The following TRIM14 variants were observed in gnomAD, a reference collection of about 807,000 sequenced individuals.
TRIM14 encodes tripartite motif-containing protein 14.
A neutral mutation model predicts 44.5 loss-of-function variants in TRIM14; 28 were observed. That is an observed-to-expected ratio of 0.63 (90% CI 0.47 to 0.86). TRIM14 has a LOEUF of 0.86. TRIM14 is among the 40% of genes least tolerant of loss of function. The pLI, the probability that TRIM14 is intolerant of heterozygous loss-of-function variation, is 0.00. For missense variants in TRIM14, 607 were observed against 611.1 expected, an observed-to-expected ratio of 0.99 and a Z score of 0.07; for synonymous variants, 299 against 269.2, an observed-to-expected ratio of 1.11 and a Z score of -1.08.
At chr9:98,056,773 G>T in the TRIM14 span, 2 of 1,605,118 alleles carry the variant, frequency 1.2e-6, no homozygotes, top group Non-Finnish European at 8.5e-7. Context: ...GCCGGACCCA[G>T]ACTGGTAGTG....
chr9:98,040,696 C>A, the TRIM14 span, among the ~76,000 whole-genome samples: 2 of 150,770 alleles, frequency 1.3e-5, no homozygotes, highest in African/African-American at 2.4e-5. Flanking sequence ...CTCGCTGTGT[C>A]ACCCAGGCTG....
chr9:98,112,663 G>T lies in TRIM14; in HGVS notation c.208-2679C>A, dbSNP rs148457441. Among the ~76,000 whole-genome samples the T allele has an allele frequency of 3.1e-3, 468 of 151,820 alleles. 3 individuals are homozygous for T. Among genetic ancestry groups the T allele is most frequent in the African/African-American group, 0.01 (422 of 41,400 alleles). ...AAAATACAAAAATTAGCCAGGTGTG[G>T]TGGTGCACGCCTGTAATCACAGCTA... On this transcript the variant is annotated intron_variant, in intron 1 of 5. Transcript: ENST00000341469.
rs1826126500 is a variant in TRIM14 at position 98,094,895 on chromosome 9, C to T, written c.672G>A (p.Gln224=). ...GLVEAVESTL[Q]TPLDIRLKES... ...CCTTAAGGCGAATGTCCAATGGCGT[C>T]TGTAATGTACTCTCCACGGCTTCCA... The change falls in exon 4 of 6, where the codon CAG becomes CAA. Residue 224 remains glutamine, a synonymous_variant. Coordinates refer to ENST00000341469, the MANE Select transcript of TRIM14 (RefSeq NM_014788.4). 1.2e-6 allele frequency: 2 copies of T among 1,614,128 alleles called. No individual in the cohort carries two copies. The highest frequency in any genetic ancestry group is 1.7e-6 in the Non-Finnish European group (2 of 1,179,994).
chr9:98,105,333 G>A (rs963418889), intron 2 of TRIM14, among the ~76,000 whole-genome samples: 2 of 152,224 alleles, frequency 1.3e-5, no homozygotes, highest in Admixed American at 1.3e-4. Context: ...GAGGGGCTGA[G>A]CCCCGCCGAC....
intron 2 of TRIM14, among the ~76,000 whole-genome samples, chr9:98,101,594 G>C (rs886359511): frequency 2.0e-5 from 3 of 151,732 alleles, no homozygotes; most frequent in African/African-American, 7.3e-5. Flanking sequence ...GCTAATTTTT[G>C]TATTTTTAGC....
chr9:98,105,915 G>A (rs969290114), intron 2 of TRIM14, among the ~76,000 whole-genome samples: 1 of 152,134 alleles, frequency 6.6e-6, no homozygotes, highest in Admixed American at 6.6e-5. Flanking sequence ...ATTCATCCAG[G>A]GTCACAGGTG....
At chr9:98,082,775 G>A (rs764407207), downstream of TRIM14, 9 of 1,451,790 alleles carry the variant, frequency 6.2e-6, no homozygotes, top group African/African-American at 1.4e-5. Context: ...CAGGGACCTT[G>A]AGTGTAAAGT....
At chr9:98,104,385 A>AGG (rs1423448491) in intron 2 of TRIM14, among the ~76,000 whole-genome samples, 1 of 152,242 alleles carries the variant, frequency 6.6e-6, no homozygotes, top group Non-Finnish European at 1.5e-5. Flanking sequence ...TTTGTAAAGT[A>AGG]GAAAATACAA....
intron 3 of TRIM14, among the ~76,000 whole-genome samples, chr9:98,098,676 C>G (rs978512964): frequency 1.3e-5 from 2 of 151,978 alleles, no homozygotes; most frequent in Non-Finnish European, 2.9e-5. Flanking sequence ...TGCACTCCAG[C>G]CTGGGCGACA....
chr9:98,102,723 T>C (rs958662812), intron 2 of TRIM14, among the ~76,000 whole-genome samples: 6 of 152,088 alleles, frequency 3.9e-5, no homozygotes, highest in Admixed American at 3.9e-4. Flanking sequence ...AGAGTTTCTG[T>C]TTGGGATAAT....
chr9:98,080,087 A>G (rs553415604), downstream of TRIM14, among the ~76,000 whole-genome samples: 50 of 152,224 alleles, frequency 3.3e-4, no homozygotes, highest in African/African-American at 1.0e-3. Flanking sequence ...GGTGGCGGGC[A>G]CCCATAGTCC....
rs1826007518 is a variant in TRIM14, at chr9:98,091,904, C to CT, written c.793+4dup. 2 of 1,588,366 alleles carry CT rather than the reference C, an allele frequency of 1.3e-6. No homozygotes were observed. Among genetic ancestry groups the CT allele is most frequent in the South Asian group, 2.3e-5 (2 of 86,394 alleles). ...CCACCCTATCCCCACTCCCGGGGGTCTTACATTTCAGCAATAGCGATCGCT... is the reference window on the plus strand; with the variant it reads ...CCACCCTATCCCCACTCCCGGGGGTCTTTACATTTCAGCAATAGCGATCGCT... On this transcript the variant is annotated splice_donor_region_variant and intron_variant, in intron 5 of 5. Transcript: ENST00000341469.
At chr9:98,048,544 A>G in the TRIM14 span, among the ~76,000 whole-genome samples, 1 of 152,218 alleles carries the variant, frequency 6.6e-6, no homozygotes, top group South Asian at 2.1e-4. Context: ...ATTTTGAAAG[A>G]AAAATAAAAA....
the TRIM14 span, chr9:98,060,755 T>C: frequency 3.7e-6 from 6 of 1,608,816 alleles, no homozygotes; most frequent in South Asian, 4.4e-5. Flanking sequence ...CGACAGTCAC[T>C]GAAAGATGTC....
intron 6 of TRIM14, chr9:98,078,399 C>T (rs368451097): frequency 9.1e-5 from 142 of 1,566,918 alleles, no homozygotes; most frequent in Non-Finnish European, 1.2e-4. Flanking sequence ...ATGGGGAAGG[C>T]GTAGTCTTTT....
intron 4 of TRIM14, 72 bp from the exon 5 acceptor site, chr9:98,092,073 C>T: frequency 8.6e-7 from 1 of 1,164,246 alleles, no homozygotes; most frequent in Non-Finnish European, 1.2e-6. Context: ...CTAAAAATAC[C>T]ACACAACTGG....
intron 5 of TRIM14, among the ~76,000 whole-genome samples, chr9:98,088,865 T>G (rs4742714): frequency 2.1e-4 from 32 of 152,142 alleles, no homozygotes; most frequent in Admixed American, 9.8e-4. Flanking sequence ...ATTTAAACTC[T>G]CATTAACATT....
chr9:98,079,459 A>G (rs557739523), downstream of TRIM14, among the ~76,000 whole-genome samples: 2 of 110,076 alleles, frequency 1.8e-5, no homozygotes, highest in South Asian at 6.5e-4. Context: ...ACATGTTGTT[A>G]TACAGCCATT....
chr9:98,099,951 C>T lies in TRIM14; in HGVS notation c.517G>A (p.Asp173Asn), dbSNP rs752225130. 1.1e-5 allele frequency: 18 copies of T among 1,613,322 alleles called. No individual in the cohort carries two copies. Among genetic ancestry groups the T allele is most frequent in the Middle Eastern group, 1.8e-4 (1 of 5,526 alleles). Reference sequence around the variant, plus strand: ...ATTACCTGAAGCCTCTGGACAGGATCGGGCTCCTGGCTGATACTCCAGACC... The same window carrying T: ...ATTACCTGAAGCCTCTGGACAGGATTGGGCTCCTGGCTGATACTCCAGACC... ...NRVWSISQEP[D>N]PVQRLQAYTA... The change falls in exon 3 of 6, where the codon GAT becomes AAT. Residue 173 changes from aspartate (D) to asparagine (N), a missense_variant. Transcript: ENST00000341469.
Sources: allele counts gnomAD v4.1 joint callset (sites outside exome capture counted in the v4.1 genomes callset), GRCh38; gene constraint gnomAD v4.1.1; transcripts MANE v1.5; gene names NCBI Gene and HGNC (gene_info 2026-07-23, HGNC 2026-07-21).